ACTR3C: variants seen among roughly 807,000 people sequenced by gnomAD.
ACTR3C encodes actin related protein 3C.
A neutral mutation model predicts 26.3 loss-of-function variants in ACTR3C; 18 were observed. The observed-to-expected ratio is 0.68, with a 90% CI of 0.47 to 1.01. The LOEUF (loss-of-function observed/expected upper bound fraction) is 1.01, where lower values mean the gene tolerates loss of function less well. ACTR3C is among the 50% of genes least tolerant of loss of function. The probability of loss-of-function intolerance (pLI) is 0.00; values close to 1 mark genes in which losing one functional copy is unlikely to be tolerated. For synonymous variants in ACTR3C, 55 were observed against 94.5 expected, an observed-to-expected ratio of 0.58 and a Z score of 2.42; for missense variants, 184 against 250.7, an observed-to-expected ratio of 0.73 and a Z score of 1.80.
the ACTR3C span, among the ~76,000 whole-genome samples, chr7:150,037,112 G>A: frequency 5.5e-5 from 6 of 108,350 alleles, no homozygotes; most frequent in Non-Finnish European, 6.5e-5. Flanking sequence ...AGCCAGGGGG[G>A]GAAGAGGGAC....
the ACTR3C span, among the ~76,000 whole-genome samples, chr7:150,124,167 C>A: frequency 6.6e-6 from 1 of 152,184 alleles, no homozygotes; most frequent in African/African-American, 2.4e-5. Context: ...TCATGAAAAT[C>A]ATTTCTTGCC....
chr7:149,998,973 C>T, the ACTR3C span, among the ~76,000 whole-genome samples: 245 of 150,442 alleles, frequency 1.6e-3, 12 homozygotes, highest in African/African-American at 5.5e-3. Context: ...TGGCTAGCAC[C>T]CAAGGCCTCC....
At chr7:150,024,100 C>T in the ACTR3C span, among the ~76,000 whole-genome samples, 3 of 150,946 alleles carry the variant, frequency 2.0e-5, no homozygotes, top group Non-Finnish European at 2.9e-5. Context: ...AAAGCAGTCA[C>T]GATCCCAGCG....
the ACTR3C span, among the ~76,000 whole-genome samples, chr7:149,951,283 C>A: frequency 3.8e-4 from 52 of 136,342 alleles, no homozygotes; most frequent in African/African-American, 1.6e-3. Context: ...GATGTAAACA[C>A]TGACACATTC....
At chr7:150,084,957 T>A in the ACTR3C span, among the ~76,000 whole-genome samples, 1 of 151,796 alleles carries the variant, frequency 6.6e-6, no homozygotes, top group Non-Finnish European at 1.5e-5. Context: ...TAGGGGTATA[T>A]TTTGGAGATG....
the ACTR3C span, among the ~76,000 whole-genome samples, chr7:150,159,015 C>T: frequency 3.5e-4 from 43 of 122,770 alleles, no homozygotes; most frequent in Non-Finnish European, 4.9e-4. Flanking sequence ...ACATTCAGCA[C>T]ACACACTCAG....
the ACTR3C span, among the ~76,000 whole-genome samples, chr7:150,042,383 G>A: frequency 6.8e-6 from 1 of 146,868 alleles, no homozygotes; most frequent in African/African-American, 2.6e-5. Flanking sequence ...TAAGAGCAAA[G>A]GGGGGAAGAG....
the ACTR3C span, among the ~76,000 whole-genome samples, chr7:150,028,762 A>C: frequency 6.6e-6 from 1 of 152,244 alleles, no homozygotes; most frequent in Non-Finnish European, 1.5e-5. Flanking sequence ...CTCAGCCTCA[A>C]CCACACCTGT....
the ACTR3C span, among the ~76,000 whole-genome samples, chr7:150,033,915 G>A: frequency 4.0e-5 from 6 of 151,454 alleles, no homozygotes; most frequent in African/African-American, 1.5e-4. Flanking sequence ...CCCGCGTCGC[G>A]AGGGGTGCCT....
chr7:150,264,241 C>T (rs1406284073), intron 6 of ACTR3C, among the ~76,000 whole-genome samples: 12 of 152,250 alleles, frequency 7.9e-5, no homozygotes, highest in Non-Finnish European at 1.2e-4. Context: ...CACCGTGAAA[C>T]GTCATGTGAG....
At chr7:149,982,955 T>C in the ACTR3C span, among the ~76,000 whole-genome samples, 1 of 152,362 alleles carries the variant, frequency 6.6e-6, no homozygotes, top group South Asian at 2.1e-4. Context: ...GTCCTTGTCT[T>C]GTTCCTGATC....
the ACTR3C span, among the ~76,000 whole-genome samples, chr7:150,126,694 T>C: frequency 9.4e-4 from 139 of 147,628 alleles, 5 homozygotes; most frequent in South Asian, 0.025. Flanking sequence ...AAAAAGCCCA[T>C]GGATTCTCAT....
downstream of ACTR3C, among the ~76,000 whole-genome samples, chr7:150,241,684 A>G (rs1343653099): frequency 2.0e-5 from 3 of 152,156 alleles, no homozygotes; most frequent in Non-Finnish European, 4.4e-5. Flanking sequence ...AGAAGACAGT[A>G]TTGAAAAAAT....
At chr7:150,062,137 T>C in the ACTR3C span, 2 of 3,494 alleles carry the variant, frequency 5.7e-4, no homozygotes, top group Admixed American at 2.0e-3. Context: ...ATGGAAGATA[T>C]TAACATGATT....
the ACTR3C span, among the ~76,000 whole-genome samples, chr7:150,077,427 G>T: frequency 1.3e-5 from 2 of 152,090 alleles, no homozygotes; most frequent in Non-Finnish European, 2.9e-5. Context: ...GTGGTTAAAG[G>T]TACAAAATAT....
chr7:150,112,339 G>T, the ACTR3C span, among the ~76,000 whole-genome samples: 3 of 152,176 alleles, frequency 2.0e-5, no homozygotes, highest in Non-Finnish European at 4.4e-5. Flanking sequence ...AATTCCAAAT[G>T]AATAACGGTA....
At chr7:149,932,592 A>T in the ACTR3C span, among the ~76,000 whole-genome samples, 1 of 152,142 alleles carries the variant, frequency 6.6e-6, no homozygotes, top group Non-Finnish European at 1.5e-5. Flanking sequence ...ATAATCGCAC[A>T]GTCATTTGCT....
the ACTR3C span, among the ~76,000 whole-genome samples, chr7:149,959,527 G>A: frequency 6.6e-6 from 1 of 152,144 alleles, no homozygotes; most frequent in Admixed American, 6.5e-5. Context: ...ATTGTAAAGA[G>A]AAAGGCATGT....
chr7:149,978,739 C>A, the ACTR3C span, among the ~76,000 whole-genome samples: 24 of 152,086 alleles, frequency 1.6e-4, no homozygotes, highest in African/African-American at 4.6e-4. Context: ...TCATGCACAG[C>A]TTTTGTGTTT....
Sources: gnomAD v4.1 joint callset for allele counts (sites outside exome capture counted in the v4.1 genomes callset) on GRCh38, gnomAD v4.1.1 for gene constraint, MANE v1.5 for transcripts, NCBI Gene and HGNC (gene_info 2026-07-23, HGNC 2026-07-21) for gene names.